TMEM263: variants seen among roughly 807,000 people sequenced by gnomAD.
The protein encoded by TMEM263 is UPF0444 transmembrane protein C12orf23.
In TMEM263, 5 loss-of-function variants were observed where a neutral mutation model predicts 8.6. The ratio of observed to expected loss-of-function variants is 0.58; its 90% CI spans 0.31 to 1.23. The LOEUF is 1.23. TMEM263 is among the 50% of genes most tolerant of loss of function. The pLI, the probability that TMEM263 is intolerant of heterozygous loss-of-function variation, is 0.07. For synonymous variants in TMEM263, 50 were observed against 47.9 expected (o/e 1.04, Z -0.18); for missense variants, 104 against 138.8 (o/e 0.75, Z 1.26).
rs2136783316 is a variant in TMEM263, at chr12:106,973,337, GT to G, written c.*1949del. On this transcript the variant is annotated 3_prime_UTR_variant, in exon 4 of 4. Coordinates refer to ENST00000280756, the MANE Select transcript of TMEM263 (RefSeq NM_152261.4). Reference sequence around the variant, plus strand: ...GGAAGAGATTGTTGCTTCATTGCTAGTTTGTATTTCTAACTTCTACAGTTAT... The same window carrying G: ...GGAAGAGATTGTTGCTTCATTGCTAGTTGTATTTCTAACTTCTACAGTTAT... The G allele has an allele frequency of 6.6e-6, 1 of 152,632 alleles. No individual in the cohort carries two copies. The highest frequency in any genetic ancestry group is 2.1e-4 in the South Asian group (1 of 4,830). 9.5% of individuals were successfully genotyped at this position (152,632 alleles called of 1,614,324 possible).
chr12:106,966,874 G>A, intron 2 of TMEM263: 1 of 406,638 alleles, frequency 2.5e-6, no homozygotes, highest in Non-Finnish European at 4.3e-6. Context: ...TACTATGACT[G>A]CCACTCTTTG....
At chr12:106,970,123 T>C (rs568663581) in intron 3 of TMEM263, among the ~76,000 whole-genome samples, 1 of 152,186 alleles carries the variant, frequency 6.6e-6, no homozygotes, top group Non-Finnish European at 1.5e-5. Flanking sequence ...TGAATAGTTT[T>C]TTACTTTTAC....
chr12:106,969,779 G>A (rs1341801760), intron 3 of TMEM263, among the ~76,000 whole-genome samples: 1 of 150,928 alleles, frequency 6.6e-6, no homozygotes, highest in Non-Finnish European at 1.5e-5. Flanking sequence ...TGTGTTCACT[G>A]TGTTCATTTT....
At chr12:106,960,338 G>GT (rs762185401) in intron 2 of TMEM263, among the ~76,000 whole-genome samples, 220 of 140,892 alleles carry the variant, frequency 1.6e-3, no homozygotes, top group Admixed American at 1.6e-3. Flanking sequence ...TCCGGCCCTT[G>GT]TTTTTTTTTT....
chr12:106,968,640 A>G (rs917666130), intron 3 of TMEM263, among the ~76,000 whole-genome samples: 8 of 152,236 alleles, frequency 5.3e-5, no homozygotes, highest in African/African-American at 1.4e-4. Flanking sequence ...CCACTAAACA[A>G]GAGGAATCTG....
chr12:106,956,172 T>A, intron 1 of TMEM263, 107 bp downstream of exon 1: 1 of 540,732 alleles, frequency 1.8e-6, no homozygotes, highest in Non-Finnish European at 2.4e-6. Flanking sequence ...GTGCCCGGCC[T>A]GGCTGCCCAG....
intron 2 of TMEM263, among the ~76,000 whole-genome samples, chr12:106,957,407 T>C (rs1951714441): frequency 6.6e-6 from 1 of 152,212 alleles, no homozygotes; most frequent in Admixed American, 6.5e-5. Context: ...TTATAACGGT[T>C]GCTACATTGG....
chr12:106,968,859 T>G (rs1434081421), intron 3 of TMEM263, among the ~76,000 whole-genome samples: 4 of 152,208 alleles, frequency 2.6e-5, no homozygotes, highest in African/African-American at 9.7e-5. Context: ...GGATTTTGCC[T>G]TTTTTCTTAG....
At chr12:106,967,791 A>G (rs1159158150) in intron 3 of TMEM263, among the ~76,000 whole-genome samples, 3 of 152,232 alleles carry the variant, frequency 2.0e-5, no homozygotes, top group African/African-American at 2.4e-5. Flanking sequence ...ATACAGAGGA[A>G]GGATGGACTG....
intron 3 of TMEM263, among the ~76,000 whole-genome samples, chr12:106,969,028 T>C (rs1216161867): frequency 6.6e-6 from 1 of 152,236 alleles, no homozygotes; most frequent in Non-Finnish European, 1.5e-5. Flanking sequence ...AATAAAAATA[T>C]TTGGTTTTTA....
intron 2 of TMEM263, among the ~76,000 whole-genome samples, chr12:106,966,630 C>T (rs1181567463): frequency 1.3e-5 from 2 of 152,182 alleles, no homozygotes; most frequent in African/African-American, 4.8e-5. Context: ...GCTTTGCCAG[C>T]ATCTGTTATA....
chr12:106,959,399 C>T (rs1413116070), intron 2 of TMEM263: 1 of 152,150 alleles, frequency 6.6e-6, no homozygotes, highest in Non-Finnish European at 1.5e-5. Flanking sequence ...CCCGCCACCA[C>T]ACCCTGCTGA....
At chr12:106,965,292 C>G (rs927951078) in intron 2 of TMEM263, among the ~76,000 whole-genome samples, 3 of 152,068 alleles carry the variant, frequency 2.0e-5, no homozygotes, top group Admixed American at 6.6e-5. Context: ...ACTATCCTAT[C>G]TAAAATATCA....
rs183706481 is a variant in TMEM263, at chr12:106,968,055, T to C, written c.64+875T>C. ...GAATGTCCTGAGTACATACAGAAAATGACTAGAGGCATGTTTTTGGTATAG... is the reference window on the plus strand; with the variant it reads ...GAATGTCCTGAGTACATACAGAAAACGACTAGAGGCATGTTTTTGGTATAG... On this transcript the variant is annotated intron_variant, in intron 3 of 3. Transcript: ENST00000280756. Among the ~76,000 whole-genome samples the C allele has an allele frequency of 4.0e-3, 610 of 152,248 alleles. 2 individuals are homozygous for C. Among genetic ancestry groups the C allele is most frequent in the Non-Finnish European group, 7.2e-3 (488 of 68,016 alleles).
intron 2 of TMEM263, 25 bp from the exon 3 acceptor site, chr12:106,967,086 A>G (rs889550309): frequency 6.7e-7 from 1 of 1,481,544 alleles, no homozygotes; most frequent in South Asian, 1.2e-5. Context: ...TTAAAATGAA[A>G]TGTGTTTGTA....
chr12:106,955,945 G>C lies in TMEM263; in HGVS notation c.-195G>C. 1.0e-6 allele frequency: 1 copy of C among 986,128 alleles called. No individual in the cohort carries two copies. Among genetic ancestry groups the C allele is most frequent in the South Asian group, 4.7e-5 (1 of 21,292 alleles). 61.1% of individuals were successfully genotyped at this position (986,128 alleles called of 1,614,324 possible). ...TCCACATCCTGAGAGGACGCCTCTGGAGCCGCGACTGCCCGGGGTTGTGCC... is the reference window on the plus strand; with the variant it reads ...TCCACATCCTGAGAGGACGCCTCTGCAGCCGCGACTGCCCGGGGTTGTGCC... On this transcript the variant is annotated 5_prime_UTR_variant, in exon 1 of 4. Coordinates refer to ENST00000280756, the MANE Select transcript of TMEM263 (RefSeq NM_152261.4).
chr12:106,970,815 C>T (rs564603606), intron 3 of TMEM263, among the ~76,000 whole-genome samples: 11 of 152,116 alleles, frequency 7.2e-5, no homozygotes, highest in African/African-American at 2.2e-4. Context: ...TTAACAAAAC[C>T]GTAAACCAAG....
At chr12:106,956,194 C>G (rs935459924) in intron 1 of TMEM263, 129 bp downstream of exon 1, 1 of 386,624 alleles carries the variant, frequency 2.6e-6, no homozygotes, top group African/African-American at 2.2e-5. Context: ...GGGGCCTTGG[C>G]GAGGCCCCAG....
In TMEM263 at chr12:106,967,091, T is replaced by C. The variant is rs750226887; in HGVS notation, c.-6-20T>C. ...CATGTTGAGGTTAAAATGAAATGTG[T>C]TTGTATGTTTTTTTTTTAGGAGATC... On this transcript the variant is annotated intron_variant, in intron 2 of 3. Transcript: ENST00000280756. The C allele has an allele frequency of 1.3e-6, 2 of 1,516,332 alleles. No homozygotes were observed. Among genetic ancestry groups the C allele is most frequent in the East Asian group, 4.5e-5 (2 of 44,104 alleles). The allele number at this position is 1,516,332 out of a possible 1,614,324, so 93.9% of individuals were successfully genotyped here. A position where few individuals can be genotyped will look rare whatever the true frequency, so the allele number is the denominator to read the frequency against.
Sources: allele counts gnomAD v4.1 joint callset (sites outside exome capture counted in the v4.1 genomes callset), GRCh38; gene constraint gnomAD v4.1.1; transcripts MANE v1.5; gene names NCBI Gene and HGNC (gene_info 2026-07-23, HGNC 2026-07-21).